The following EIF4H variants were observed in gnomAD, a reference collection of about 807,000 sequenced individuals.
The protein encoded by EIF4H is eukaryotic translation initiation factor 4H.
EIF4H carries 8 observed loss-of-function variants against 30.6 expected under a neutral mutation model. The ratio of observed to expected loss-of-function variants is 0.26; its 90% CI spans 0.15 to 0.47. EIF4H has a LOEUF of 0.47. Ranked by LOEUF, EIF4H falls within the 20% of genes least tolerant of loss-of-function variation. The probability of loss-of-function intolerance (pLI) is 0.99; values close to 1 mark genes in which losing one functional copy is unlikely to be tolerated. For missense variants in EIF4H, 188 were observed against 339.5 expected (o/e 0.55, Z 3.51); for synonymous variants, 106 against 122.7 (o/e 0.86, Z 0.90).
intron 5 of EIF4H, among the ~76,000 whole-genome samples, chr7:74,191,879 A>G (rs985336846): frequency 1.3e-5 from 2 of 152,050 alleles, no homozygotes; most frequent in South Asian, 4.1e-4. Flanking sequence ...TCCTGGGTTC[A>G]TGCCATTCTC....
rs184165828 is a variant in EIF4H at position 74,195,132 on chromosome 7, A to T, written c.608-37A>T. 3.5e-5 allele frequency: 56 copies of T among 1,610,832 alleles called. 1 individual carries two copies. In the East Asian group the frequency reaches 3.6e-4, roughly 10 times the overall value. ...GTCGTTTTGCTGGATATGGAATGGG[A>T]TCCACACTCTGACAAACTCTGCTTT... On this transcript the variant is annotated intron_variant, in intron 6 of 6. Transcript: ENST00000265753.
intron 1 of EIF4H, among the ~76,000 whole-genome samples, chr7:74,179,648 A>AAG (rs1554708149): frequency 6.6e-6 from 1 of 150,390 alleles, no homozygotes; most frequent in Non-Finnish European, 1.5e-5. Flanking sequence ...AAAAAAAAAA[A>AAG]GTCACTTTAT....
intron 5 of EIF4H, 144 bp from the exon 6 acceptor site, chr7:74,194,597 A>T (rs1801298940): frequency 2.5e-6 from 3 of 1,216,534 alleles, no homozygotes; most frequent in East Asian, 2.6e-5. Context: ...CCCACTTTTA[A>T]CACACTTTAT....
At chr7:74,181,065 G>C (rs1584175256) in intron 1 of EIF4H, among the ~76,000 whole-genome samples, 1 of 152,252 alleles carries the variant, frequency 6.6e-6, no homozygotes. Context: ...CAATTTAGTG[G>C]CATGGAGTAC....
rs564794579 is a variant in EIF4H at position 74,186,788 on chromosome 7, ATTTTTTTTT to A, written c.60-779_60-771del. Among the ~76,000 whole-genome samples the A allele has an allele frequency of 3.6e-4, 25 of 70,084 alleles. 5 individuals carry two copies. The highest frequency in any genetic ancestry group is 1.0e-3 in the Admixed American group (6 of 5,856). 46.0% of individuals were successfully genotyped at this position (70,084 alleles called of 152,430 possible). ...GCCCATAATCAGGCAACAAGGAGAAATTTTTTTTTTTTTTTTTTTTTTTTTTTTTTTTTT... is the reference window on the plus strand; with the variant it reads ...GCCCATAATCAGGCAACAAGGAGAAATTTTTTTTTTTTTTTTTTTTTTTTT... On this transcript the variant is annotated intron_variant, in intron 1 of 6. Transcript: ENST00000265753.
At chr7:74,178,750 G>A (rs1011631517) in intron 1 of EIF4H, among the ~76,000 whole-genome samples, 3 of 152,082 alleles carry the variant, frequency 2.0e-5, no homozygotes, top group African/African-American at 4.8e-5. Context: ...CTGCACACCC[G>A]GGCATGAAAT....
Position 74,196,929 on chromosome 7 carries a change from A to G in EIF4H, c.*1621A>G, listed in dbSNP as rs1176018145. ...TACTTACATCTTCAATGTGGATAAG[A>G]TAAAGAACAAAACACATGCATCTAA... On this transcript the variant is annotated 3_prime_UTR_variant, in exon 7 of 7. Coordinates refer to ENST00000265753, the MANE Select transcript of EIF4H (RefSeq NM_022170.2). 1.3e-5 allele frequency: 2 copies of G among 152,642 alleles called. No individual in the cohort carries two copies. Among genetic ancestry groups the G allele is most frequent in the African/African-American group, 4.8e-5 (2 of 41,462 alleles). The allele number at this position is 152,642 out of a possible 1,614,324, so 9.5% of individuals were successfully genotyped here.
Position 74,187,642 on chromosome 7 carries a change from C to G in EIF4H, c.91C>G (p.Arg31Gly). 6.2e-7 allele frequency: 1 copy of G among 1,609,610 alleles called. No individual in the cohort carries two copies. Among genetic ancestry groups the G allele is most frequent in the Non-Finnish European group, 8.5e-7 (1 of 1,177,178 alleles). Residue 31 changes from arginine to glycine, a missense_variant, in exon 2 of 7, where the codon CGT (arginine) becomes GGT (glycine). Physicochemically the swap from Arg to Gly is moderately radical, Grantham distance 125. This residue lies in a region of EIF4H where 52 missense variants were observed against 143.9 expected (regional missense o/e 0.36). Coordinates refer to ENST00000265753, the MANE Select transcript of EIF4H (RefSeq NM_022170.2). ...SRGSAGGHGS[R>G]SQKELPTEPP... The stretch of plus-strand genomic sequence containing the variant: ...CGGCAGTGCTGGTGGCCATGGTTCC[C>G]GTAGCCAGAAGGAGTTGCCCACAGA...
At chr7:74,188,126 A>G (rs1441637540) in intron 2 of EIF4H, among the ~76,000 whole-genome samples, 2 of 152,242 alleles carry the variant, frequency 1.3e-5, no homozygotes, top group African/African-American at 4.8e-5. Flanking sequence ...TCTTAGGCAC[A>G]TTCCTCCTGG....
intron 1 of EIF4H, among the ~76,000 whole-genome samples, chr7:74,179,597 A>T (rs924132142): frequency 7.1e-6 from 1 of 140,048 alleles, no homozygotes; most frequent in East Asian, 2.1e-4. Context: ...GCGCCACTGC[A>T]CTCCCGCCTG....
intron 1 of EIF4H, among the ~76,000 whole-genome samples, chr7:74,179,610 C>T (rs1233408740): frequency 1.4e-5 from 2 of 142,978 alleles, no homozygotes; most frequent in South Asian, 4.4e-4. Flanking sequence ...CCCGCCTGGG[C>T]GACAGGGTGA....
intron 1 of EIF4H, among the ~76,000 whole-genome samples, chr7:74,176,932 C>T (rs1800855351): frequency 1.3e-5 from 2 of 152,158 alleles, no homozygotes; most frequent in South Asian, 4.1e-4. Flanking sequence ...CAGTAAAGTG[C>T]AGAGTAATAC....
chr7:74,194,996 C>G (rs1477463402), intron 6 of EIF4H, 118 bp downstream of exon 6: 6 of 1,500,804 alleles, frequency 4.0e-6, no homozygotes, highest in Middle Eastern at 1.8e-4. Context: ...TAGATCCCCA[C>G]GTTCTCTGGA....
In EIF4H at chr7:74,195,390, C is replaced by A; in HGVS notation, c.*82C>A. The A allele has an allele frequency of 6.9e-7, 1 of 1,448,282 alleles. No homozygotes were observed. The highest frequency in any genetic ancestry group is 1.4e-5 in the South Asian group (1 of 71,714). The allele number at this position is 1,448,282 out of a possible 1,614,324, so 89.7% of individuals were successfully genotyped here. A position where few individuals can be genotyped will look rare whatever the true frequency, so the allele number is the denominator to read the frequency against. ...GAGTCCCCGGGCAGCCGTCCTGCAG[C>A]CGCCACTCCTGCGCCTGCCATTGGC... On this transcript the variant is annotated 3_prime_UTR_variant, in exon 7 of 7. Coordinates refer to ENST00000265753, the MANE Select transcript of EIF4H (RefSeq NM_022170.2).
chr7:74,189,674 A>T lies in EIF4H; in HGVS notation c.249A>T (p.Gly83=). 6.2e-7 allele frequency: 1 copy of T among 1,613,584 alleles called. No homozygotes were observed. The highest frequency in any genetic ancestry group is 8.5e-7 in the Non-Finnish European group (1 of 1,179,974). ...VRDKDTDKFK[G]FCYVEFDEVD... ...TCGGGGTCTTCTTTTCTTTTCCAGG[A>T]TTCTGCTATGTAGAATTCGATGAAG... is the stretch of plus-strand genomic sequence containing the variant. Residue 83 remains glycine, a splice_region_variant and synonymous_variant, in exon 3 of 7, where the codon GGA becomes GGT. Transcript: ENST00000265753.
Position 74,187,597 on chromosome 7 carries a change from G to A in EIF4H, c.60-14G>A. On this transcript the variant is annotated splice_polypyrimidine_tract_variant and intron_variant, in intron 1 of 6. Coordinates refer to ENST00000265753, the MANE Select transcript of EIF4H (RefSeq NM_022170.2). The stretch of plus-strand genomic sequence containing the variant: ...CTCTGGGCACACTTGAATCCTGTTT[G>A]TCTCCCCTCCTAGGTCCCGCGGCAG... 1 of 1,552,778 alleles carries A rather than the reference G, an allele frequency of 6.4e-7. No homozygotes were observed. Among genetic ancestry groups the A allele is most frequent in the South Asian group, 1.2e-5 (1 of 82,754 alleles).
chr7:74,182,574 GT>G (rs1563949452), intron 1 of EIF4H, among the ~76,000 whole-genome samples: 1 of 152,142 alleles, frequency 6.6e-6, no homozygotes, highest in Non-Finnish European at 1.5e-5. Flanking sequence ...CTGTTGGGAG[GT>G]TTAAATGAGA....
At position 74,174,449 on chromosome 7, in the gene EIF4H, C is replaced by G; in HGVS notation, c.59+7C>G. The G allele has an allele frequency of 7.0e-7, 1 of 1,425,194 alleles. No homozygotes were observed. The highest frequency in any genetic ancestry group is 9.3e-7 in the Non-Finnish European group (1 of 1,073,944). The allele number at this position is 1,425,194 out of a possible 1,614,324, so 88.3% of individuals were successfully genotyped here. On this transcript the variant is annotated splice_region_variant and intron_variant, in intron 1 of 6. Transcript: ENST00000265753. ...GCTTCGGCGGCGGCAGAGGGTGAGG[C>G]GGGCGTGCGCGGGCCCCGTCGGGGG...
At chr7:74,188,963 A>G (rs1021878117) in intron 2 of EIF4H, among the ~76,000 whole-genome samples, 5 of 152,144 alleles carry the variant, frequency 3.3e-5, no homozygotes, top group African/African-American at 1.2e-4. Context: ...CTTGCGGTCT[A>G]GTGGGCTTCA....
Sources: gnomAD v4.1 joint callset for allele counts (sites outside exome capture counted in the v4.1 genomes callset) on GRCh38, gnomAD v4.1.1 for gene constraint, gnomAD v4.1.1 regional missense constraint, MANE v1.5 for transcripts, NCBI Gene and HGNC (gene_info 2026-07-23, HGNC 2026-07-21) for gene names.